Variants in NAALADL2 observed in about 807,000 individuals in gnomAD.
The protein encoded by NAALADL2 is inactive N-acetylated-alpha-linked acidic dipeptidase-like protein 2.
A neutral mutation model predicts 87.2 loss-of-function variants in NAALADL2; 76 were observed. The observed-to-expected ratio is 0.87, with a 90% CI of 0.72 to 1.05. The LOEUF (loss-of-function observed/expected upper bound fraction) is 1.05, where lower values mean the gene tolerates loss of function less well. NAALADL2 is among the 50% of genes least tolerant of loss of function. The pLI, the probability that NAALADL2 is intolerant of heterozygous loss-of-function variation, is 0.00. For missense variants in NAALADL2, 1,089 were observed against 945.8 expected (o/e 1.15, Z -1.99); for synonymous variants, 354 against 331.0 (o/e 1.07, Z -0.75).
At chr3:174,666,967 A>G (rs780141589) in intron 2 of NAALADL2, among the ~76,000 whole-genome samples, 6 of 152,174 alleles carry the variant, frequency 3.9e-5, no homozygotes, top group Non-Finnish European at 5.9e-5. Flanking sequence ...TTCATCTAAC[A>G]TAGTGTCCTC....
At chr3:175,603,471 C>T (rs1297474522) in intron 10 of NAALADL2, among the ~76,000 whole-genome samples, 1 of 152,048 alleles carries the variant, frequency 6.6e-6, no homozygotes, top group Admixed American at 6.6e-5. Context: ...AATGATTCCC[C>T]ACTCCCTTCT....
intron 11 of NAALADL2, among the ~76,000 whole-genome samples, chr3:175,640,339 T>C (rs1729116970): frequency 6.6e-6 from 1 of 152,164 alleles, no homozygotes; most frequent in Non-Finnish European, 1.5e-5. Flanking sequence ...TCAGCAACCT[T>C]AATTGTGAAG....
intron 2 of NAALADL2, among the ~76,000 whole-genome samples, chr3:174,699,820 G>T (rs1729381032): frequency 7.0e-6 from 1 of 142,598 alleles, no homozygotes; most frequent in East Asian, 2.1e-4. Flanking sequence ...AACATTTAAG[G>T]CCCTCATTTT....
At chr3:175,330,455 A>T (rs1167116240) in intron 5 of NAALADL2, among the ~76,000 whole-genome samples, 1 of 149,112 alleles carries the variant, frequency 6.7e-6, no homozygotes, top group Non-Finnish European at 1.5e-5. Flanking sequence ...AAAAAAAAAA[A>T]TTGAAATCAT....
At chr3:175,426,752 G>A (rs1716851898) in intron 5 of NAALADL2, among the ~76,000 whole-genome samples, 1 of 151,944 alleles carries the variant, frequency 6.6e-6, no homozygotes, top group African/African-American at 2.4e-5. Context: ...CAGCATTTTT[G>A]TACTCAACTT....
intron 7 of NAALADL2, among the ~76,000 whole-genome samples, chr3:175,464,880 A>G (rs1222831408): frequency 3.3e-5 from 5 of 152,180 alleles, no homozygotes; most frequent in South Asian, 2.1e-4. Flanking sequence ...AAGGTTCTCA[A>G]TTGAAGCACT....
At chr3:175,030,220 T>C (rs938521965) in intron 1 of NAALADL2, among the ~76,000 whole-genome samples, 19 of 152,120 alleles carry the variant, frequency 1.2e-4, no homozygotes, top group African/African-American at 4.6e-4. Context: ...TGCTGCTATT[T>C]ATGCTTTCCT....
At chr3:174,715,253 G>A (rs1731074112) in intron 2 of NAALADL2, among the ~76,000 whole-genome samples, 1 of 151,942 alleles carries the variant, frequency 6.6e-6, no homozygotes. Flanking sequence ...AGATATCTAG[G>A]CACATATTTT....
chr3:174,456,780 A>G (rs1430940250), intron 1 of NAALADL2, among the ~76,000 whole-genome samples: 5 of 152,192 alleles, frequency 3.3e-5, no homozygotes, highest in African/African-American at 4.8e-5. Flanking sequence ...AACACAACCT[A>G]GGCAATACCA....
chr3:175,651,291 CTT>C (rs908214448), intron 11 of NAALADL2, among the ~76,000 whole-genome samples: 3 of 152,022 alleles, frequency 2.0e-5, no homozygotes, highest in Non-Finnish European at 4.4e-5. Context: ...ATCAAAATAA[CTT>C]TTCAAGGGTA....
At chr3:175,171,108 G>A (rs1232272792) in intron 2 of NAALADL2, among the ~76,000 whole-genome samples, 1 of 151,756 alleles carries the variant, frequency 6.6e-6, no homozygotes, top group Admixed American at 6.6e-5. Context: ...CTTATATGGT[G>A]TTGTCATACC....
chr3:174,463,757 C>T (rs935289837), intron 1 of NAALADL2, among the ~76,000 whole-genome samples: 3 of 151,902 alleles, frequency 2.0e-5, no homozygotes, highest in Admixed American at 6.6e-5. Flanking sequence ...CCCACCACCA[C>T]GCCTGGCTAA....
chr3:174,757,664 GTATTT>G (rs1419303804), intron 3 of NAALADL2, among the ~76,000 whole-genome samples: 1 of 151,682 alleles, frequency 6.6e-6, no homozygotes, highest in Non-Finnish European at 1.5e-5. Flanking sequence ...GCTAATTTTT[GTATTT>G]TATTTTATTT....
At chr3:174,566,020 A>G (rs1714215917) in intron 2 of NAALADL2, among the ~76,000 whole-genome samples, 1 of 151,688 alleles carries the variant, frequency 6.6e-6, no homozygotes, top group African/African-American at 2.4e-5. Flanking sequence ...GAATTGACCA[A>G]ATTTTGCATG....
At chr3:174,452,965 C>T (rs535023864) in intron 1 of NAALADL2, among the ~76,000 whole-genome samples, 2 of 152,098 alleles carry the variant, frequency 1.3e-5, no homozygotes, top group East Asian at 1.9e-4. Flanking sequence ...AGAATTCAGA[C>T]TATAGATAGG....
intron 3 of NAALADL2, among the ~76,000 whole-genome samples, chr3:174,770,877 G>T: frequency 6.6e-6 from 1 of 151,568 alleles, no homozygotes; most frequent in Non-Finnish European, 1.5e-5. Flanking sequence ...AAAGAAATAC[G>T]TATTTTTTAT....
chr3:175,333,034 T>G (rs1348710120), intron 5 of NAALADL2, among the ~76,000 whole-genome samples: 1 of 152,218 alleles, frequency 6.6e-6, no homozygotes, highest in Non-Finnish European at 1.5e-5. Flanking sequence ...TCTTGGGTTT[T>G]CAGGCTTGCT....
chr3:174,969,862 A>G (rs911279237), intron 1 of NAALADL2, among the ~76,000 whole-genome samples: 1 of 152,228 alleles, frequency 6.6e-6, no homozygotes, highest in African/African-American at 2.4e-5. Context: ...AGACCTAAAC[A>G]TAAAGCATTG....
At chr3:174,940,708 A>C (rs1370715831) in intron 1 of NAALADL2, among the ~76,000 whole-genome samples, 1 of 151,874 alleles carries the variant, frequency 6.6e-6, no homozygotes, top group Non-Finnish European at 1.5e-5. Flanking sequence ...TATCGGTCTG[A>C]TCAGGGAATT....
Sources: gnomAD v4.1 joint callset for allele counts (sites outside exome capture counted in the v4.1 genomes callset) on GRCh38, gnomAD v4.1.1 for gene constraint, MANE v1.5 for transcripts, NCBI Gene and HGNC (gene_info 2026-07-23, HGNC 2026-07-21) for gene names.